The following DGKD variants were observed in gnomAD, a reference collection of about 807,000 sequenced individuals.
DGKD encodes the protein diacylglycerol kinase delta, also known as DAG kinase delta.
In DGKD, 68 loss-of-function variants were observed where a neutral mutation model predicts 154.4. That is an observed-to-expected ratio of 0.44 (90% CI 0.36 to 0.54). The LOEUF is 0.54. Among genes scored for constraint, DGKD ranks in the 20% least tolerant of loss-of-function variants. The pLI is 0.00. For missense variants in DGKD, 1,343 were observed against 1,593.6 expected (o/e 0.84, Z 2.68); for synonymous variants, 693 against 638.0 (o/e 1.09, Z -1.30).
intron 3 of DGKD, among the ~76,000 whole-genome samples, chr2:233,417,425 T>C (rs72980341): frequency 0.019 from 2,908 of 152,334 alleles, 48 homozygotes; most frequent in Non-Finnish European, 0.029. Context: ...AATATTGCTG[T>C]TGTTCCCTTG....
At chr2:233,359,781 T>C (rs1701696932) in intron 1 of DGKD, among the ~76,000 whole-genome samples, 1 of 152,142 alleles carries the variant, frequency 6.6e-6, no homozygotes, top group Non-Finnish European at 1.5e-5. Flanking sequence ...GGTATCTTAT[T>C]GAGTAACAAC....
At chr2:233,378,402 A>C (rs1575001493) in intron 1 of DGKD, among the ~76,000 whole-genome samples, 3 of 135,132 alleles carry the variant, frequency 2.2e-5, no homozygotes, top group East Asian at 2.2e-4. Flanking sequence ...ATAGAGTGAG[A>C]CTCCATCTCA....
intron 1 of DGKD, among the ~76,000 whole-genome samples, chr2:233,359,836 TCA>T (rs1456907315): frequency 1.3e-5 from 2 of 152,266 alleles, no homozygotes; most frequent in East Asian, 1.9e-4. Flanking sequence ...AATAAAACAA[TCA>T]CACAGTTAAT....
At chr2:233,375,304 A>G (rs1260170872) in intron 1 of DGKD, among the ~76,000 whole-genome samples, 2 of 152,084 alleles carry the variant, frequency 1.3e-5, no homozygotes, top group African/African-American at 4.8e-5. Context: ...AAAGGAAAAA[A>G]AAGAAAAAAA....
intron 10 of DGKD, among the ~76,000 whole-genome samples, chr2:233,443,771 G>A (rs2062973879): frequency 6.6e-6 from 1 of 152,194 alleles, no homozygotes; most frequent in South Asian, 2.1e-4. Flanking sequence ...TTGATTTTGT[G>A]TATTACTTGC....
At chr2:233,430,895 C>G (rs573658708) in intron 3 of DGKD, among the ~76,000 whole-genome samples, 3 of 152,284 alleles carry the variant, frequency 2.0e-5, no homozygotes, top group East Asian at 3.9e-4. Flanking sequence ...TTTGCATTCT[C>G]TGATGACTAG....
chr2:233,467,142 C>T lies in DGKD; in HGVS notation c.3363C>T (p.Thr1121=), dbSNP rs1266533069. The T allele has an allele frequency of 6.2e-7, 1 of 1,614,188 alleles. No individual in the cohort carries two copies. The highest frequency in any genetic ancestry group is 8.5e-7 in the Non-Finnish European group (1 of 1,180,038). The change falls in exon 28 of 30, where the codon ACC becomes ACT. Residue 1121 remains threonine, a synonymous_variant. Coordinates refer to ENST00000264057, the MANE Select transcript of DGKD (RefSeq NM_152879.3). ...RSRSGKFRLV[T]KFKKEKNNKN... is the part of the protein sequence containing the mutation. Reference sequence around the variant, plus strand: ...GCAGTGGTAAATTCCGCCTCGTGACCAAGTTTAAAAAGGAGAAAAACAACA... The same window carrying T: ...GCAGTGGTAAATTCCGCCTCGTGACTAAGTTTAAAAAGGAGAAAAACAACA...
intron 24 of DGKD, among the ~76,000 whole-genome samples, chr2:233,462,065 G>A (rs929274236): frequency 2.0e-5 from 3 of 152,216 alleles, no homozygotes; most frequent in Non-Finnish European, 2.9e-5. Context: ...CCCACTGGCC[G>A]TTTTACAGGT....
chr2:233,416,983 G>A (rs1171569366), intron 3 of DGKD, among the ~76,000 whole-genome samples: 13 of 152,308 alleles, frequency 8.5e-5, no homozygotes, highest in Non-Finnish European at 1.6e-4. Flanking sequence ...CATTGCAGCC[G>A]CAAGCTCTGC....
chr2:233,356,591 G>C (rs1224934654), intron 1 of DGKD, among the ~76,000 whole-genome samples: 1 of 152,170 alleles, frequency 6.6e-6, no homozygotes, highest in Non-Finnish European at 1.5e-5. Flanking sequence ...TGTTGGTTAG[G>C]AGGTGTTTTT....
chr2:233,469,062 A>G (rs999860957), intron 29 of DGKD, among the ~76,000 whole-genome samples: 4 of 152,212 alleles, frequency 2.6e-5, no homozygotes, highest in African/African-American at 4.8e-5. Context: ...GCAAAAGGCC[A>G]CTGTGGGTGT....
In DGKD at chr2:233,457,316, C is replaced by T; in HGVS notation, c.2568C>T (p.Thr856=). ...YAGGTNFWGG[T]KEDDTFAAPS... ...GAGGAACCAACTTCTGGGGGGGTAC[C>T]AAGGAAGATGATGTATGTATGGGGT... Residue 856 remains threonine, a synonymous_variant, in exon 21 of 30, where the codon ACC becomes ACT. Coordinates refer to ENST00000264057, the MANE Select transcript of DGKD (RefSeq NM_152879.3). The surrounding 1 kb of genome is among the most constrained non-coding windows in gnomAD (Gnocchi z 5.5). 1.3e-6 allele frequency: 2 copies of T among 1,538,302 alleles called. No homozygotes were observed. Among genetic ancestry groups the T allele is most frequent in the Non-Finnish European group, 1.8e-6 (2 of 1,141,000 alleles).
chr2:233,422,629 A>G (rs1481869716), intron 3 of DGKD, among the ~76,000 whole-genome samples: 1 of 152,238 alleles, frequency 6.6e-6, no homozygotes, highest in South Asian at 2.1e-4. Context: ...ATAAGATTAC[A>G]CTTTTAACTT....
rs1277853993 is a variant in DGKD at position 233,435,815 on chromosome 2, C to T, written c.587-3C>T. The T allele has an allele frequency of 6.2e-7, 1 of 1,610,418 alleles. No individual in the cohort carries two copies. Among genetic ancestry groups the T allele is most frequent in the African/African-American group, 1.3e-5 (1 of 74,748 alleles). The stretch of plus-strand genomic sequence containing the variant: ...GTAGGCTCATGTGCCCCTTCTCTCA[C>T]AGTGTGCAAATTTAAGGCCCACAAG... On this transcript the variant is annotated splice_region_variant and splice_polypyrimidine_tract_variant and intron_variant, in intron 5 of 29. Transcript: ENST00000264057.
At chr2:233,467,226 T>C in intron 28 of DGKD, 23 bp downstream of exon 28, 1 of 1,556,650 alleles carries the variant, frequency 6.4e-7, no homozygotes, top group Non-Finnish European at 8.9e-7. Context: ...CTCCCGCGTG[T>C]GTTTCTGGCC....
At chr2:233,437,094 T>C (rs1172893492) in intron 7 of DGKD, among the ~76,000 whole-genome samples, 3 of 152,164 alleles carry the variant, frequency 2.0e-5, no homozygotes, top group Admixed American at 6.5e-5. Flanking sequence ...GTAGCTGTGG[T>C]CGAAGGGCCA....
chr2:233,371,954 A>G (rs764790427), intron 1 of DGKD, among the ~76,000 whole-genome samples: 2 of 152,256 alleles, frequency 1.3e-5, no homozygotes, highest in Non-Finnish European at 2.9e-5. Context: ...TTACATATTT[A>G]AAGAGTTTAA....
intron 6 of DGKD, 21 bp from the exon 7 acceptor site, chr2:233,436,295 C>T (rs370970314): frequency 3.2e-5 from 51 of 1,613,766 alleles, no homozygotes; most frequent in Non-Finnish European, 3.9e-5. Flanking sequence ...GTCCCTAGTG[C>T]GTGCCTCTGT....
chr2:233,463,611 ACG>A (rs2063734582), intron 26 of DGKD, among the ~76,000 whole-genome samples: 2 of 146,300 alleles, frequency 1.4e-5, no homozygotes, highest in Admixed American at 6.8e-5. Context: ...TCCTCACTCC[ACG>A]CATCTCCTCA....
Sources: allele counts gnomAD v4.1 joint callset (sites outside exome capture counted in the v4.1 genomes callset), GRCh38; gene constraint gnomAD v4.1.1; non-coding constraint Gnocchi (gnomAD v3.1); transcripts MANE v1.5; gene names NCBI Gene and HGNC (gene_info 2026-07-23, HGNC 2026-07-21).